COL13A1: variants seen among roughly 807,000 people sequenced by gnomAD.
COL13A1 encodes collagen alpha-1(XIII) chain.
COL13A1 carries 89 observed loss-of-function variants against 130.9 expected under a neutral mutation model. The ratio of observed to expected loss-of-function variants is 0.68; its 90% CI spans 0.57 to 0.81. COL13A1 has a LOEUF of 0.81. Ranked by LOEUF, COL13A1 falls within the 30% of genes least tolerant of loss-of-function variation. The pLI is 0.00. For synonymous variants in COL13A1, 402 were observed against 341.6 expected (o/e 1.18, Z -1.95); for missense variants, 879 against 934.6 (o/e 0.94, Z 0.78).
At chr10:69,907,870 T>C (rs1005843733) in intron 17 of COL13A1, among the ~76,000 whole-genome samples, 1 of 152,270 alleles carries the variant, frequency 6.6e-6, no homozygotes, top group African/African-American at 2.4e-5. Context: ...AATTTATTCA[T>C]GAGGGCAGAG....
intron 7 of COL13A1, among the ~76,000 whole-genome samples, chr10:69,885,820 G>A (rs1054792000): frequency 1.3e-5 from 2 of 152,162 alleles, no homozygotes; most frequent in Non-Finnish European, 2.9e-5. Context: ...TTATCCTTGA[G>A]AGGAGAAAAG....
chr10:69,834,064 C>T (rs1327893746), intron 2 of COL13A1, among the ~76,000 whole-genome samples: 1 of 152,160 alleles, frequency 6.6e-6, no homozygotes, highest in Non-Finnish European at 1.5e-5. Flanking sequence ...AGGCAGCAGT[C>T]CCCAGTCTTT....
At chr10:69,899,032 G>A (rs2061937485) in intron 14 of COL13A1, among the ~76,000 whole-genome samples, 28 of 152,198 alleles carry the variant, frequency 1.8e-4, no homozygotes, top group Admixed American at 1.8e-3. Flanking sequence ...CACAGGCCTG[G>A]TTATATTTCA....
rs1253386331 is a variant in COL13A1, at chr10:69,945,728, A to T, written c.2022+4A>T. The T allele has an allele frequency of 6.2e-7, 1 of 1,611,184 alleles. No homozygotes were observed. Among genetic ancestry groups the T allele is most frequent in the Non-Finnish European group, 8.5e-7 (1 of 1,178,816 alleles). On this transcript the variant is annotated splice_donor_region_variant and intron_variant, in intron 37 of 40. Coordinates refer to ENST00000645393, the MANE Select transcript of COL13A1 (RefSeq NM_001368882.1). ...AACGGGAGCAGCTGGGCTTCCTGTG[A>T]GTCTCTTGGGATCAGAGGTTCCTCT...
intron 2 of COL13A1, among the ~76,000 whole-genome samples, chr10:69,867,148 T>G (rs1589167852): frequency 6.7e-6 from 1 of 148,752 alleles, no homozygotes; most frequent in South Asian, 2.2e-4. Flanking sequence ...AGGTGGGGAG[T>G]GGACACCAGA....
chr10:69,817,886 CTG>C (rs1303846644), intron 1 of COL13A1, among the ~76,000 whole-genome samples: 1 of 152,116 alleles, frequency 6.6e-6, no homozygotes. Flanking sequence ...GAAGCCTAGG[CTG>C]TGGATGGGTC....
At chr10:69,900,661 C>A (rs1005196218) in intron 14 of COL13A1, among the ~76,000 whole-genome samples, 3 of 152,188 alleles carry the variant, frequency 2.0e-5, no homozygotes, top group African/African-American at 4.8e-5. Flanking sequence ...GTCTAAGATT[C>A]ACTGAAAAAG....
intron 2 of COL13A1, among the ~76,000 whole-genome samples, chr10:69,824,359 C>T (rs1330597399): frequency 1.3e-5 from 2 of 152,198 alleles, no homozygotes; most frequent in Admixed American, 6.5e-5. Context: ...TGCCTTTCTC[C>T]CTTCCCTGCC....
At chr10:69,816,692 G>A (rs1190156701) in intron 1 of COL13A1, among the ~76,000 whole-genome samples, 1 of 152,102 alleles carries the variant, frequency 6.6e-6, no homozygotes, top group Non-Finnish European at 1.5e-5. Context: ...TGCGTGTCCT[G>A]GGAGCCAAGG....
At chr10:69,931,716 G>A (rs1336614757) in intron 30 of COL13A1, among the ~76,000 whole-genome samples, 1 of 152,200 alleles carries the variant, frequency 6.6e-6, no homozygotes, top group Non-Finnish European at 1.5e-5. Flanking sequence ...TCCCTTGTCA[G>A]CCTCCCCGAG....
At chr10:69,862,623 C>T (rs1365221170) in intron 2 of COL13A1, among the ~76,000 whole-genome samples, 1 of 152,198 alleles carries the variant, frequency 6.6e-6, no homozygotes, top group Non-Finnish European at 1.5e-5. Flanking sequence ...ACTCATGTTT[C>T]CCTTCTTCAC....
At chr10:69,857,296 T>G (rs774135770) in intron 2 of COL13A1, among the ~76,000 whole-genome samples, 88 of 152,178 alleles carry the variant, frequency 5.8e-4, no homozygotes, top group Non-Finnish European at 8.7e-4. Context: ...ACTCAAAAGG[T>G]CACCCAGCCC....
chr10:69,930,197 A>C, intron 29 of COL13A1, 110 bp downstream of exon 29: 7 of 1,028,920 alleles, frequency 6.8e-6, no homozygotes, highest in Non-Finnish European at 9.6e-6. Flanking sequence ...CCAGTGGGCA[A>C]GGGAAGGGGA....
chr10:69,934,945 G>A (rs1298446939), intron 31 of COL13A1, among the ~76,000 whole-genome samples: 1 of 152,228 alleles, frequency 6.6e-6, no homozygotes, highest in African/African-American at 2.4e-5. Context: ...AAGACAATAA[G>A]GAGTGGTGAG....
At chr10:69,845,569 C>A (rs910729121) in intron 2 of COL13A1, among the ~76,000 whole-genome samples, 1 of 152,102 alleles carries the variant, frequency 6.6e-6, no homozygotes, top group African/African-American at 2.4e-5. Flanking sequence ...AACCCACTAG[C>A]CTGTGTCACT....
chr10:69,910,791 T>C (rs1456586228), intron 17 of COL13A1, among the ~76,000 whole-genome samples: 1 of 152,116 alleles, frequency 6.6e-6, no homozygotes, highest in Non-Finnish European at 1.5e-5. Flanking sequence ...GGTTGACGAG[T>C]ATTGTCAGAT....
intron 33 of COL13A1, among the ~76,000 whole-genome samples, chr10:69,936,996 C>T (rs1451752347): frequency 6.6e-6 from 1 of 152,210 alleles, no homozygotes; most frequent in African/African-American, 2.4e-5. Flanking sequence ...TCTGTCACCC[C>T]ACAAAGGGAC....
At chr10:69,808,751 T>C (rs1159810136) in intron 1 of COL13A1, among the ~76,000 whole-genome samples, 1 of 152,218 alleles carries the variant, frequency 6.6e-6, no homozygotes, top group Non-Finnish European at 1.5e-5. Context: ...TTGCACATAA[T>C]ACGCAGCTCT....
intron 1 of COL13A1, among the ~76,000 whole-genome samples, chr10:69,819,028 C>T (rs1332144017): frequency 6.6e-6 from 1 of 152,246 alleles, no homozygotes; most frequent in African/African-American, 2.4e-5. Context: ...ATGCTTCTCC[C>T]ACACCAAGCT....
Sources: gnomAD v4.1 joint callset for allele counts (sites outside exome capture counted in the v4.1 genomes callset) on GRCh38, gnomAD v4.1.1 for gene constraint, MANE v1.5 for transcripts, NCBI Gene and HGNC (gene_info 2026-07-23, HGNC 2026-07-21) for gene names.